Variants in NUCKS1 observed in about 807,000 individuals in gnomAD.
The protein encoded by NUCKS1 is nuclear ubiquitous casein and cyclin-dependent kinase substrate 1.
NUCKS1 carries 2 observed loss-of-function variants against 33.0 expected under a neutral mutation model. The ratio of observed to expected loss-of-function variants is 0.06; its 90% CI spans 0.02 to 0.19. The LOEUF (loss-of-function observed/expected upper bound fraction) is 0.19, where lower values mean the gene tolerates loss of function less well. Ranked by LOEUF, NUCKS1 falls within the 10% of genes least tolerant of loss-of-function variation. The pLI is 1.00. For synonymous variants in NUCKS1, 106 were observed against 102.8 expected, an observed-to-expected ratio of 1.03 and a Z score of -0.19; for missense variants, 201 against 293.6, an observed-to-expected ratio of 0.68 and a Z score of 2.31.
intron 1 of NUCKS1, among the ~76,000 whole-genome samples, chr1:205,732,797 T>TAAAAAAAAAAAAAAAA (rs1653947549): frequency 7.8e-5 from 5 of 63,904 alleles, no homozygotes; most frequent in Admixed American, 1.5e-4. Flanking sequence ...AAAAAAAAAG[T>TAAAAAAAAAAAAAAAA]TAAGATGGTA....
chr1:205,727,256 T>C (rs373257685), intron 3 of NUCKS1, among the ~76,000 whole-genome samples: 3 of 152,142 alleles, frequency 2.0e-5, no homozygotes, highest in South Asian at 2.1e-4. Context: ...TGAGCCACCA[T>C]GTACTCCTAA....
At chr1:205,740,597 G>C (rs996554577) in intron 1 of NUCKS1, among the ~76,000 whole-genome samples, 14 of 151,876 alleles carry the variant, frequency 9.2e-5, no homozygotes, top group African/African-American at 3.4e-4. Flanking sequence ...GCGACAGATT[G>C]AGACCCCATC....
chr1:205,735,468 C>T lies in NUCKS1; in HGVS notation c.18-5847G>A, dbSNP rs543601199. ...CTATGTGACACATGATAGTTAAATG[C>T]CAAAGCTAAACTAACTCTTCAATGT... On this transcript the variant is annotated intron_variant, in intron 1 of 6. Transcript: ENST00000367142. Among the ~76,000 whole-genome samples the T allele has an allele frequency of 4.6e-5, 7 of 152,228 alleles. No individual in the cohort carries two copies. The South Asian group carries it at 1.5e-3, about 32-fold the overall frequency.
chr1:205,729,141 G>A (rs1056716610), intron 2 of NUCKS1, among the ~76,000 whole-genome samples: 1 of 152,100 alleles, frequency 6.6e-6, no homozygotes, highest in Non-Finnish European at 1.5e-5. Context: ...GCTAATTTTT[G>A]TATTTTTAGC....
At chr1:205,738,440 ATTTTTTTT>A (rs34617208) in intron 1 of NUCKS1, among the ~76,000 whole-genome samples, 3 of 140,770 alleles carry the variant, frequency 2.1e-5, no homozygotes, top group Non-Finnish European at 4.6e-5. Flanking sequence ...TGCCCAGCTA[ATTTTTTTT>A]TTTTTTTTTG....
intron 1 of NUCKS1, among the ~76,000 whole-genome samples, chr1:205,735,452 A>T (rs1772148): frequency 0.32 from 49,286 of 152,118 alleles, 9,277 homozygotes; most frequent in Non-Finnish European, 0.42. Flanking sequence ...GCTATGTGAC[A>T]CATGATAGTT....
chr1:205,740,592 A>AATC (rs1425676807), intron 1 of NUCKS1, among the ~76,000 whole-genome samples: 2 of 152,122 alleles, frequency 1.3e-5, no homozygotes, highest in Non-Finnish European at 2.9e-5. Context: ...CCTGAGCGAC[A>AATC]GATTGAGACC....
intron 1 of NUCKS1, among the ~76,000 whole-genome samples, chr1:205,738,679 T>G (rs1654092326): frequency 6.6e-6 from 1 of 152,102 alleles, no homozygotes; most frequent in South Asian, 2.1e-4. Flanking sequence ...GGCGGATGGC[T>G]TCAGCCCATA....
chr1:205,745,770 C>G (rs1226048414), intron 1 of NUCKS1, among the ~76,000 whole-genome samples: 1 of 152,130 alleles, frequency 6.6e-6, no homozygotes, highest in African/African-American at 2.4e-5. Context: ...GTAACATATT[C>G]TTTAAGCTTG....
chr1:205,720,434 A>G, intron 5 of NUCKS1, 67 bp downstream of exon 5: 1 of 1,544,400 alleles, frequency 6.5e-7, no homozygotes, highest in Admixed American at 2.0e-5. Flanking sequence ...GAAAATGCCA[A>G]AGTAACCAAG....
Position 205,716,381 on chromosome 1 carries a change from CTTCT to C in NUCKS1, c.*1895_*1898del, listed in dbSNP as rs1337783995. On this transcript the variant is annotated 3_prime_UTR_variant, in exon 7 of 7. Coordinates refer to ENST00000367142, the MANE Select transcript of NUCKS1 (RefSeq NM_022731.5). ...AGGTCTTTTACTATATGAACACAAA[CTTCT>C]TTGTTAAAAATGGATACCTGAACAA... 1.3e-5 allele frequency: 2 copies of C among 152,310 alleles called. No homozygotes were observed. Among genetic ancestry groups the C allele is most frequent in the East Asian group, 3.9e-4 (2 of 5,186 alleles). The allele number at this position is 152,310 out of a possible 1,614,324, so 9.4% of individuals were successfully genotyped here. A position where few individuals can be genotyped will look rare whatever the true frequency, so the allele number is the denominator to read the frequency against.
chr1:205,718,100 AAAAAG>A lies in NUCKS1; in HGVS notation c.*175_*179del, dbSNP rs1355825245. Reference sequence around the variant, plus strand: ...TGGTTTGCTTTAAAAAAAAAAAAAAAAAAAGAGAGAGAGAGAGAAATGTTACTTTC... The same window carrying A: ...TGGTTTGCTTTAAAAAAAAAAAAAAAAGAGAGAGAGAGAAATGTTACTTTC... On this transcript the variant is annotated 3_prime_UTR_variant, in exon 7 of 7. Coordinates refer to ENST00000367142, the MANE Select transcript of NUCKS1 (RefSeq NM_022731.5). 3 of 1,248,842 alleles carry A rather than the reference AAAAAG, an allele frequency of 2.4e-6. No individual in the cohort carries two copies. In the African/African-American group the frequency reaches 4.7e-5, roughly 19 times the overall value. 77.4% of individuals were successfully genotyped at this position (1,248,842 alleles called of 1,614,324 possible). A position where few individuals can be genotyped will look rare whatever the true frequency, so the allele number is the denominator to read the frequency against.
Position 205,750,015 on chromosome 1 carries a change from A to AGGGGG in NUCKS1, c.-43_-42insCCCCC. 2 of 1,506,270 alleles carry AGGGGG rather than the reference A, an allele frequency of 1.3e-6. No individual in the cohort carries two copies. Among genetic ancestry groups the AGGGGG allele is most frequent in the Non-Finnish European group, 9.0e-7 (1 of 1,114,420 alleles). The allele number at this position is 1,506,270 out of a possible 1,614,324, so 93.3% of individuals were successfully genotyped here. A position where few individuals can be genotyped will look rare whatever the true frequency, so the allele number is the denominator to read the frequency against. On this transcript the variant is annotated 5_prime_UTR_variant, in exon 1 of 7. Transcript: ENST00000367142. Reference sequence around the variant, plus strand: ...GGACCGAGTCGAGAAGCCAAAGACCAGGACCCCCCCCACCCCGCGCGCTCG... The same window carrying AGGGGG: ...GGACCGAGTCGAGAAGCCAAAGACCAGGGGGGGACCCCCCCCACCCCGCGCGCTCG...
rs1244512057 is a variant in NUCKS1 at position 205,716,441 on chromosome 1, C to T, written c.*1839G>A. 6.6e-6 allele frequency: 1 copy of T among 152,160 alleles called. No individual in the cohort carries two copies. The highest frequency in any genetic ancestry group is 1.5e-5 in the Non-Finnish European group (1 of 68,028). The allele number at this position is 152,160 out of a possible 1,614,324, so 9.4% of individuals were successfully genotyped here. A position where few individuals can be genotyped will look rare whatever the true frequency, so the allele number is the denominator to read the frequency against. The stretch of plus-strand genomic sequence containing the variant: ...TTTAGGCAAATAGATTAATCTTTAA[C>T]ACCCTCATTACAAAGTTCACACCTC... On this transcript the variant is annotated 3_prime_UTR_variant, in exon 7 of 7. Coordinates refer to ENST00000367142, the MANE Select transcript of NUCKS1 (RefSeq NM_022731.5).
At chr1:205,741,162 T>C (rs1221217396) in intron 1 of NUCKS1, among the ~76,000 whole-genome samples, 1 of 147,024 alleles carries the variant, frequency 6.8e-6, no homozygotes, top group Non-Finnish European at 1.5e-5. Flanking sequence ...TAGCCGGGCG[T>C]GGTGGCGGGC....
At chr1:205,729,716 C>A (rs1294080886) in intron 1 of NUCKS1, 95 bp from the exon 2 acceptor site, 1 of 944,640 alleles carries the variant, frequency 1.1e-6, no homozygotes. Context: ...CAGAACTGAA[C>A]TAGCACTTTG....
chr1:205,745,690 G>GA (rs150882174), intron 1 of NUCKS1, among the ~76,000 whole-genome samples: 1,818 of 151,834 alleles, frequency 0.012, 33 homozygotes, highest in African/African-American at 0.042. Context: ...TAGTACCATG[G>GA]AAAAAAAATG....
intron 1 of NUCKS1, among the ~76,000 whole-genome samples, chr1:205,747,510 A>C (rs1036509235): frequency 1.3e-5 from 2 of 152,224 alleles, no homozygotes; most frequent in African/African-American, 4.8e-5. Context: ...TTCATTTGGA[A>C]ATTGATGCTA....
chr1:205,749,995 G>A lies in NUCKS1; in HGVS notation c.-22C>T. The stretch of plus-strand genomic sequence containing the variant: ...ACATGTTCGCTGTCGAAACAGGACC[G>A]AGTCGAGAAGCCAAAGACCAGGACC... On this transcript the variant is annotated 5_prime_UTR_variant, in exon 1 of 7. Transcript: ENST00000367142. 2.5e-6 allele frequency: 4 copies of A among 1,596,044 alleles called. No homozygotes were observed. The highest frequency in any genetic ancestry group is 3.4e-6 in the Non-Finnish European group (4 of 1,170,110).
Sources: allele counts gnomAD v4.1 joint callset (sites outside exome capture counted in the v4.1 genomes callset), GRCh38; gene constraint gnomAD v4.1.1; transcripts MANE v1.5; gene names NCBI Gene and HGNC (gene_info 2026-07-23, HGNC 2026-07-21).